Variants in LIPK observed in about 807,000 individuals in gnomAD.
The protein encoded by LIPK is lipase member K.
Under a neutral mutation model 48.6 loss-of-function variants are expected in LIPK, and 32 were observed. That is an observed-to-expected ratio of 0.66 (90% CI 0.50 to 0.88). The LOEUF (loss-of-function observed/expected upper bound fraction) is 0.88, where lower values mean the gene tolerates loss of function less well. Among genes scored for constraint, LIPK ranks in the 40% least tolerant of loss-of-function variants. The pLI is 0.00. For synonymous variants in LIPK, 164 were observed against 157.4 expected (o/e 1.04, Z -0.32); for missense variants, 507 against 478.5 (o/e 1.06, Z -0.56).
intron 1 of LIPK, among the ~76,000 whole-genome samples, chr10:88,714,644 AG>A: frequency 6.6e-6 from 1 of 152,172 alleles, no homozygotes; most frequent in Non-Finnish European, 1.5e-5. Context: ...GAATTTGTCT[AG>A]TTAATATAAT....
rs375895572 is a variant in LIPK at position 88,714,652 on chromosome 10, T to C, written c.-12+8332T>C. Among the ~76,000 whole-genome samples the C allele has an allele frequency of 1.2e-4, 19 of 152,316 alleles. 1 individual carries two copies. The South Asian group carries it at 3.9e-3, about 32-fold the overall frequency. On this transcript the variant is annotated intron_variant, in intron 1 of 9. Transcript: ENST00000404190. ...TTTCAAGGAATTTGTCTAGTTAATA[T>C]AATTTATCAAATTTATTTGCAGTTT...
chr10:88,725,888 C>A (rs1590140348), intron 2 of LIPK, among the ~76,000 whole-genome samples: 2 of 152,304 alleles, frequency 1.3e-5, no homozygotes, highest in South Asian at 4.1e-4. Context: ...GGTCAACAAG[C>A]TCCCTTGACT....
At chr10:88,752,075 T>C (rs569604743) in intron 9 of LIPK, among the ~76,000 whole-genome samples, 1 of 152,338 alleles carries the variant, frequency 6.6e-6, no homozygotes, top group South Asian at 2.1e-4. Flanking sequence ...ATGTCTTTCA[T>C]GCCTTGGTCT....
intron 1 of LIPK, among the ~76,000 whole-genome samples, chr10:88,711,790 GT>G (rs1180024171): frequency 6.6e-6 from 1 of 151,770 alleles, no homozygotes; most frequent in Non-Finnish European, 1.5e-5. Context: ...TTTTGATGAT[GT>G]TTTTGAAGAA....
chr10:88,722,877 C>CTT (rs1337855508), intron 1 of LIPK, among the ~76,000 whole-genome samples: 12 of 74,020 alleles, frequency 1.6e-4, no homozygotes, highest in Admixed American at 6.1e-4. Flanking sequence ...TGTTTTTCTT[C>CTT]TTTTCTTTTT....
chr10:88,719,011 T>A (rs1311275156), intron 1 of LIPK, among the ~76,000 whole-genome samples: 4 of 152,110 alleles, frequency 2.6e-5, no homozygotes, highest in African/African-American at 9.7e-5. Context: ...ATTTAAAAAG[T>A]TATAAATACG....
chr10:88,740,051 TG>T lies in LIPK; in HGVS notation c.873del (p.Met291IlefsTer25), dbSNP rs763036043. The part of the protein sequence containing the change: ...HNPAGTSVQN[M>X]LHWAQAVNSG... ...CCTGCGGGAACATCTGTTCAGAATATGCTGCACTGGGCTCAGGTAAGTGCTT... is the reference window on the plus strand; with the variant it reads ...CCTGCGGGAACATCTGTTCAGAATATCTGCACTGGGCTCAGGTAAGTGCTT... On this transcript the variant is annotated frameshift_variant, in exon 8 of 10. Coordinates refer to ENST00000404190, the MANE Select transcript of LIPK (RefSeq NM_001080518.2). LOFTEE classifies it high-confidence loss of function. 1 of 1,605,088 alleles carries T rather than the reference TG, an allele frequency of 6.2e-7. No individual in the cohort carries two copies. Among genetic ancestry groups the T allele is most frequent in the African/African-American group, 1.3e-5 (1 of 74,718 alleles).
chr10:88,737,043 A>T (rs1206802122), intron 6 of LIPK, among the ~76,000 whole-genome samples: 2 of 152,222 alleles, frequency 1.3e-5, no homozygotes, highest in African/African-American at 4.8e-5. Context: ...TTACACTAGT[A>T]AAGATTCATT....
intron 9 of LIPK, 117 bp from the exon 10 acceptor site, chr10:88,752,400 T>C: frequency 1.5e-6 from 1 of 689,328 alleles, no homozygotes. Context: ...CCATTAAGTG[T>C]AAACTAATTG....
intron 1 of LIPK, among the ~76,000 whole-genome samples, chr10:88,718,256 CTA>C (rs900287395): frequency 1.3e-5 from 2 of 149,156 alleles, no homozygotes; most frequent in Admixed American, 1.3e-4. Flanking sequence ...TGGCTTCCTT[CTA>C]TATATATACA....
At chr10:88,719,373 C>T (rs1363671232) in intron 1 of LIPK, among the ~76,000 whole-genome samples, 1 of 152,178 alleles carries the variant, frequency 6.6e-6, no homozygotes, top group Non-Finnish European at 1.5e-5. Context: ...CTACAATGTG[C>T]GGCTTCACTG....
At chr10:88,740,351 A>G (rs992903870) in intron 8 of LIPK, among the ~76,000 whole-genome samples, 1 of 152,240 alleles carries the variant, frequency 6.6e-6, no homozygotes, top group Non-Finnish European at 1.5e-5. Flanking sequence ...CCTCTTTCAG[A>G]AAGTCATCAG....
At chr10:88,719,383 G>T (rs1842178854) in intron 1 of LIPK, among the ~76,000 whole-genome samples, 1 of 152,314 alleles carries the variant, frequency 6.6e-6, no homozygotes, top group African/African-American at 2.4e-5. Flanking sequence ...CGGCTTCACT[G>T]GGAAGCTAGT....
intron 1 of LIPK, among the ~76,000 whole-genome samples, chr10:88,722,882 CTTTTTTCTTT>C (rs973670491): frequency 3.3e-4 from 15 of 46,002 alleles, no homozygotes; most frequent in African/African-American, 2.5e-3. Context: ...TTCTTCTTTT[CTTTTTTCTTT>C]TTTTTTTTTG....
chr10:88,706,766 G>A (rs989186597), intron 1 of LIPK, among the ~76,000 whole-genome samples: 1 of 152,054 alleles, frequency 6.6e-6, no homozygotes, highest in Non-Finnish European at 1.5e-5. Flanking sequence ...TCTTTTTTAT[G>A]ATCAGGGTCA....
At chr10:88,723,304 T>C (rs1842269191) in intron 1 of LIPK, among the ~76,000 whole-genome samples, 1 of 152,214 alleles carries the variant, frequency 6.6e-6, no homozygotes, top group Non-Finnish European at 1.5e-5. Context: ...ATGACAGCAA[T>C]AATAATTATT....
chr10:88,728,418 A>G (rs1842390139), intron 3 of LIPK: 1 of 198,692 alleles, frequency 5.0e-6, no homozygotes, highest in South Asian at 7.3e-5. Context: ...AGGATCTTCC[A>G]GGTGAACCGA....
At chr10:88,748,047 T>A (rs1020439442) in intron 9 of LIPK, among the ~76,000 whole-genome samples, 1 of 152,190 alleles carries the variant, frequency 6.6e-6, no homozygotes, top group Admixed American at 6.5e-5. Flanking sequence ...GAATATGTGG[T>A]ACATATGCAC....
At chr10:88,723,356 C>T (rs1590137790) in intron 1 of LIPK, among the ~76,000 whole-genome samples, 1 of 151,978 alleles carries the variant, frequency 6.6e-6, no homozygotes, top group South Asian at 2.1e-4. Context: ...TAGAGTTGCA[C>T]CAGAATCAAG....
Sources: allele counts gnomAD v4.1 joint callset (sites outside exome capture counted in the v4.1 genomes callset), GRCh38; gene constraint gnomAD v4.1.1; transcripts MANE v1.5; gene names NCBI Gene and HGNC (gene_info 2026-07-23, HGNC 2026-07-21).